Variants in KCNN3 observed in about 807,000 individuals in gnomAD.
The protein encoded by KCNN3 is small conductance calcium-activated potassium channel protein 3.
KCNN3 carries 16 observed loss-of-function variants against 62.9 expected under a neutral mutation model. The ratio of observed to expected loss-of-function variants is 0.25; its 90% CI spans 0.17 to 0.39. The LOEUF (loss-of-function observed/expected upper bound fraction) is 0.39, where lower values mean the gene tolerates loss of function less well. Ranked by LOEUF, KCNN3 falls within the 10% of genes least tolerant of loss-of-function variation. The probability of loss-of-function intolerance (pLI) is 1.00; values close to 1 mark genes in which losing one functional copy is unlikely to be tolerated. For synonymous variants in KCNN3, 370 were observed against 389.2 expected, an observed-to-expected ratio of 0.95 and a Z score of 0.58; for missense variants, 599 against 949.4, an observed-to-expected ratio of 0.63 and a Z score of 4.85.
chr1:154,850,084 C>T (rs1652243128), intron 1 of KCNN3, among the ~76,000 whole-genome samples: 2 of 152,168 alleles, frequency 1.3e-5, no homozygotes, highest in Non-Finnish European at 2.9e-5. Flanking sequence ...ACTCGCCAGG[C>T]ATCCGCAGCC....
At chr1:154,853,665 C>G (rs142589529) in intron 1 of KCNN3, among the ~76,000 whole-genome samples, 2,552 of 152,276 alleles carry the variant, frequency 0.017, 73 homozygotes, top group African/African-American at 0.057. Flanking sequence ...CACTCTCAGC[C>G]GGGCATGGTG....
chr1:154,708,141 G>A lies in KCNN3; in HGVS notation c.2031C>T (p.Ile677=), dbSNP rs374819006. The A allele has an allele frequency of 3.7e-6, 6 of 1,613,642 alleles. No individual in the cohort carries two copies. The highest frequency in any genetic ancestry group is 5.1e-6 in the Non-Finnish European group (6 of 1,180,028). Reference sequence around the variant, plus strand: ...GCTGCTGCTGGCGCAGGGTGTCGGCGATGAGCAGCGGCAGGGAGTTGAAGC... The same window carrying A: ...GCTGCTGCTGGCGCAGGGTGTCGGCAATGAGCAGCGGCAGGGAGTTGAAGC... ...TASFNSLPLL[I]ADTLRQQQQQ... is the part of the protein sequence containing the mutation. Residue 677 remains isoleucine (I), a synonymous_variant, in exon 8 of 8, where the codon ATC becomes ATT. Coordinates refer to ENST00000271915, the MANE Select transcript of KCNN3 (RefSeq NM_002249.6).
intron 7 of KCNN3, among the ~76,000 whole-genome samples, chr1:154,712,984 C>T (rs1249912179): frequency 2.6e-5 from 4 of 152,108 alleles, no homozygotes; most frequent in Non-Finnish European, 5.9e-5. Context: ...ACACCACTGC[C>T]GCCAATTTGA....
rs191343028 is a variant in KCNN3 at position 154,834,026 on chromosome 1, C to T, written c.934-11842G>A. ...TCAGAAACAGCACAGCCGTGAGTTT[C>T]CTAACATTTGGCACAGGTTTTTCAA... is the stretch of plus-strand genomic sequence containing the variant. On this transcript the variant is annotated intron_variant, in intron 1 of 7. Coordinates refer to ENST00000271915, the MANE Select transcript of KCNN3 (RefSeq NM_002249.6). 4.1e-4 allele frequency among the ~76,000 whole-genome samples: 62 copies of T among 152,348 alleles called. 1 individual carries two copies. Among genetic ancestry groups the T allele is most frequent in the Non-Finnish European group, 1.3e-4 (9 of 68,026 alleles).
chr1:154,832,533 A>C (rs1651415675), intron 1 of KCNN3, among the ~76,000 whole-genome samples: 1 of 152,128 alleles, frequency 6.6e-6, no homozygotes, highest in South Asian at 2.1e-4. Flanking sequence ...GGGTTCACCT[A>C]GCAAATATTT....
At position 154,714,899 on chromosome 1, in the gene KCNN3, C is replaced by T; in HGVS notation, c.1806G>A (p.Arg602=). 1 of 1,613,606 alleles carries T rather than the reference C, an allele frequency of 6.2e-7. No individual in the cohort carries two copies. Among genetic ancestry groups the T allele is most frequent in the Non-Finnish European group, 8.5e-7 (1 of 1,179,726 alleles). ...IDHAKVRKHQ[R]KFLQAIHQLR... ...ACTGGTGGATAGCTTGGAGGAACTTCCTCTGGTGTTTCCTCACTTTGGCAT... is the reference window on the plus strand; with the variant it reads ...ACTGGTGGATAGCTTGGAGGAACTTTCTCTGGTGTTTCCTCACTTTGGCAT... The change falls in exon 6 of 8, where the codon AGG becomes AGA. Residue 602 remains arginine, a synonymous_variant. Coordinates refer to ENST00000271915, the MANE Select transcript of KCNN3 (RefSeq NM_002249.6).
chr1:154,763,043 C>T (rs2101829308), intron 3 of KCNN3, among the ~76,000 whole-genome samples: 1 of 152,182 alleles, frequency 6.6e-6, no homozygotes, highest in South Asian at 2.1e-4. Flanking sequence ...TAATTACTTT[C>T]AGTTTTATAA....
intron 1 of KCNN3, among the ~76,000 whole-genome samples, chr1:154,843,910 C>G (rs112259808): frequency 1.7e-4 from 26 of 152,204 alleles, no homozygotes; most frequent in Non-Finnish European, 1.5e-4. Flanking sequence ...TTTAATGAAG[C>G]CAGTTCTACA....
rs115202900 is a variant in KCNN3 at position 154,800,045 on chromosome 1, A to G, written c.1029+22044T>C. ...GCGAAGGGTGTGACGTATGCATGGG[A>G]AACAGCCTCGTTGAACTGTAGATTC... On this transcript the variant is annotated intron_variant, in intron 2 of 7. Coordinates refer to ENST00000271915, the MANE Select transcript of KCNN3 (RefSeq NM_002249.6). Among the ~76,000 whole-genome samples, 1,036 of 152,320 alleles carry G rather than the reference A, an allele frequency of 6.8e-3. 11 individuals are homozygous for G. Among genetic ancestry groups the G allele is most frequent in the Middle Eastern group, 0.041 (12 of 294 alleles).
intron 1 of KCNN3, among the ~76,000 whole-genome samples, chr1:154,853,994 G>C (rs1050285883): frequency 6.6e-6 from 1 of 152,084 alleles, no homozygotes; most frequent in Non-Finnish European, 1.5e-5. Flanking sequence ...CCAGCATCTC[G>C]GGAGGCCAAG....
At chr1:154,728,132 G>C (rs1211313858) in intron 4 of KCNN3, among the ~76,000 whole-genome samples, 2 of 152,072 alleles carry the variant, frequency 1.3e-5, no homozygotes, top group African/African-American at 4.8e-5. Context: ...CCAGGGTCTA[G>C]ATGGGGTGTT....
chr1:154,868,914 C>A, intron 1 of KCNN3, 118 bp downstream of exon 1: 1 of 1,024,280 alleles, frequency 9.8e-7, no homozygotes. Context: ...CTCTCTCTCT[C>A]TCTCTCTCTC....
In KCNN3 at chr1:154,702,007, C is replaced by T. The variant is rs1699864092; in HGVS notation, c.*5969G>A. The T allele has an allele frequency of 6.6e-6, 1 of 152,162 alleles. No homozygotes were observed. Among genetic ancestry groups the T allele is most frequent in the Middle Eastern group, 3.2e-3 (1 of 316 alleles). The allele number at this position is 152,162 out of a possible 1,614,324, so 9.4% of individuals were successfully genotyped here. A position where few individuals can be genotyped will look rare whatever the true frequency, so the allele number is the denominator to read the frequency against. On this transcript the variant is annotated 3_prime_UTR_variant, in exon 8 of 8. Coordinates refer to ENST00000271915, the MANE Select transcript of KCNN3 (RefSeq NM_002249.6). ...AGAAAGAGCCTGAACTTTTATTAAA[C>T]TGGCTTTGCAGAGCTACTAAAGGAG...
intron 2 of KCNN3, among the ~76,000 whole-genome samples, chr1:154,793,422 G>A (rs1444609850): frequency 6.6e-6 from 1 of 152,096 alleles, no homozygotes; most frequent in African/African-American, 2.4e-5. Flanking sequence ...GGATGTCGGG[G>A]GCATGGGAGG....
intron 4 of KCNN3, among the ~76,000 whole-genome samples, chr1:154,728,876 G>A (rs1220932289): frequency 6.6e-6 from 1 of 152,176 alleles, no homozygotes; most frequent in African/African-American, 2.4e-5. Flanking sequence ...GAAGTCAATG[G>A]TCCATTTTGG....
rs181197768 is a variant in KCNN3, at chr1:154,770,926, G to A, written c.1448+1049C>T. ...ACAAAAATTAGCCTGGTATGGTGGCGCATGCCTGTAATCTCAGCTACATGG... is the reference window on the plus strand; with the variant it reads ...ACAAAAATTAGCCTGGTATGGTGGCACATGCCTGTAATCTCAGCTACATGG... On this transcript the variant is annotated intron_variant, in intron 3 of 7. Coordinates refer to ENST00000271915, the MANE Select transcript of KCNN3 (RefSeq NM_002249.6). Among the ~76,000 whole-genome samples, 10 of 152,166 alleles carry A rather than the reference G, an allele frequency of 6.6e-5. No homozygotes were observed. The East Asian group carries it at 7.7e-4, about 12-fold the overall frequency.
chr1:154,847,044 C>A (rs1301465636), intron 1 of KCNN3, among the ~76,000 whole-genome samples: 1 of 152,066 alleles, frequency 6.6e-6, no homozygotes, highest in African/African-American at 2.4e-5. Flanking sequence ...CCTCACCCCC[C>A]TCCCTGAGCC....
chr1:154,844,082 A>C (rs887646302), intron 1 of KCNN3, among the ~76,000 whole-genome samples: 15 of 152,322 alleles, frequency 9.8e-5, no homozygotes, highest in African/African-American at 2.6e-4. Context: ...AGGGGACTCC[A>C]CCCAAGGGAG....
intron 3 of KCNN3, among the ~76,000 whole-genome samples, chr1:154,761,674 C>G (rs1299738090): frequency 2.6e-5 from 4 of 152,258 alleles, no homozygotes; most frequent in African/African-American, 9.6e-5. Flanking sequence ...CGCGGTGGCT[C>G]ACGCCTGTAA....
Sources: allele counts gnomAD v4.1 joint callset (sites outside exome capture counted in the v4.1 genomes callset), GRCh38; gene constraint gnomAD v4.1.1; transcripts MANE v1.5; gene names NCBI Gene and HGNC (gene_info 2026-07-23, HGNC 2026-07-21).